Variants in DPYD observed in about 807,000 individuals in gnomAD.
DPYD encodes the protein dihydropyrimidine dehydrogenase.
In DPYD, 109 loss-of-function variants were observed where a neutral mutation model predicts 116.2. The ratio of observed to expected loss-of-function variants is 0.94; its 90% confidence interval spans 0.80 to 1.10. DPYD has a LOEUF of 1.10. Among genes scored for constraint, DPYD ranks in the 50% least tolerant of loss-of-function variants. The pLI is 0.00. For synonymous variants in DPYD, 440 were observed against 432.0 expected (o/e 1.02, Z -0.23); for missense variants, 1,302 against 1,254.5 (o/e 1.04, Z -0.57).
At chr1:97,198,973 A>G (rs1659012241) in intron 19 of DPYD, among the ~76,000 whole-genome samples, 1 of 152,138 alleles carries the variant, frequency 6.6e-6, no homozygotes, top group African/African-American at 2.4e-5. Flanking sequence ...GGGGTCTGAC[A>G]CAGTGCCCTG....
intron 18 of DPYD, among the ~76,000 whole-genome samples, chr1:97,236,002 T>A (rs1048097971): frequency 6.6e-5 from 10 of 152,222 alleles, no homozygotes; most frequent in Non-Finnish European, 1.2e-4. Flanking sequence ...ATTGTATGGA[T>A]AGAAAGAATA....
chr1:97,520,103 T>G (rs114133006), intron 12 of DPYD, among the ~76,000 whole-genome samples: 1 of 152,188 alleles, frequency 6.6e-6, no homozygotes, highest in Non-Finnish European at 1.5e-5. Flanking sequence ...ATATACCTGT[T>G]AGACTCAGTT....
chr1:97,913,758 A>G (rs1027963625), intron 1 of DPYD, among the ~76,000 whole-genome samples: 1 of 151,974 alleles, frequency 6.6e-6, no homozygotes, highest in African/African-American at 2.4e-5. Context: ...GTTGGAGGAT[A>G]AAGTTTTGGG....
At chr1:97,700,680 C>T (rs1661548263) in intron 5 of DPYD, among the ~76,000 whole-genome samples, 1 of 151,546 alleles carries the variant, frequency 6.6e-6, no homozygotes. Flanking sequence ...AAGTCCAAGC[C>T]TGCAAGAAAA....
At chr1:97,685,059 C>T (rs540268667) in intron 7 of DPYD, among the ~76,000 whole-genome samples, 20 of 152,248 alleles carry the variant, frequency 1.3e-4, no homozygotes. Flanking sequence ...AAACTTCAGG[C>T]CAATATCCCT....
At chr1:97,258,111 G>A (rs1663629109) in intron 18 of DPYD, among the ~76,000 whole-genome samples, 1 of 152,030 alleles carries the variant, frequency 6.6e-6, no homozygotes, top group Admixed American at 6.6e-5. Flanking sequence ...GAGTAAAGAT[G>A]GATTAGGAGG....
intron 8 of DPYD, among the ~76,000 whole-genome samples, chr1:97,626,638 C>A (rs779020252): frequency 4.0e-5 from 6 of 151,730 alleles, no homozygotes; most frequent in Non-Finnish European, 7.4e-5. Flanking sequence ...AAATCAATAT[C>A]AGTTATTATT....
chr1:97,792,279 A>T (rs1023514352), intron 3 of DPYD, among the ~76,000 whole-genome samples: 197 of 146,764 alleles, frequency 1.3e-3, no homozygotes, highest in Middle Eastern at 7.0e-3. Flanking sequence ...TTTTTATTTT[A>T]TTTTTTTTTT....
At chr1:97,564,677 C>T (rs564361457) in intron 11 of DPYD, among the ~76,000 whole-genome samples, 4 of 152,214 alleles carry the variant, frequency 2.6e-5, no homozygotes, top group African/African-American at 9.6e-5. Flanking sequence ...TGTTTACCTC[C>T]CAGCTAGCTA....
intron 20 of DPYD, among the ~76,000 whole-genome samples, chr1:97,191,158 T>C (rs150374644): frequency 5.3e-4 from 81 of 151,894 alleles, no homozygotes; most frequent in African/African-American, 2.0e-3. Context: ...GATGCACATG[T>C]ACCCTAGAAC....
At chr1:97,363,095 C>G (rs764409754) in intron 16 of DPYD, among the ~76,000 whole-genome samples, 11 of 152,136 alleles carry the variant, frequency 7.2e-5, no homozygotes, top group Non-Finnish European at 1.5e-4. Flanking sequence ...AGAACTTAAA[C>G]AAATTTACAA....
chr1:97,322,818 G>A (rs1668377443), intron 16 of DPYD: 1 of 151,948 alleles, frequency 6.6e-6, no homozygotes, highest in African/African-American at 2.4e-5. Context: ...GAAGGGCTAG[G>A]CCTCTGGGGA....
At chr1:97,534,619 T>G (rs181292484) in intron 12 of DPYD, among the ~76,000 whole-genome samples, 2 of 152,218 alleles carry the variant, frequency 1.3e-5, no homozygotes, top group Admixed American at 6.5e-5. Context: ...ATTTAACAAT[T>G]TTTACAACAT....
At chr1:97,509,453 A>G (rs1647616452) in intron 13 of DPYD, among the ~76,000 whole-genome samples, 1 of 152,002 alleles carries the variant, frequency 6.6e-6, no homozygotes, top group South Asian at 2.1e-4. Flanking sequence ...GTGACAGAAC[A>G]ATTGGCAAGA....
intron 18 of DPYD, among the ~76,000 whole-genome samples, chr1:97,263,900 T>C (rs1215003908): frequency 6.6e-6 from 1 of 152,122 alleles, no homozygotes; most frequent in Non-Finnish European, 1.5e-5. Context: ...ATACTTCAGA[T>C]AATTGAAAAA....
At chr1:97,292,705 C>T (rs184970818) in intron 18 of DPYD, among the ~76,000 whole-genome samples, 133 of 111,012 alleles carry the variant, frequency 1.2e-3, no homozygotes, top group East Asian at 7.6e-3. Context: ...TGCGTGCACG[C>T]GCGCGCACAC....
intron 1 of DPYD, among the ~76,000 whole-genome samples, chr1:97,913,159 A>T (rs1449287062): frequency 6.6e-6 from 1 of 152,126 alleles, no homozygotes; most frequent in Admixed American, 6.6e-5. Context: ...CTTTTCTTGT[A>T]TTCTCAGGCG....
chr1:97,792,284 T>A lies in DPYD; in HGVS notation c.233+35830A>T, dbSNP rs184292862. 7.1e-3 allele frequency among the ~76,000 whole-genome samples: 1,080 copies of A among 152,162 alleles called. 5 individuals carry two copies. The highest frequency in any genetic ancestry group is 9.3e-3 in the Non-Finnish European group (630 of 68,002). ...AGCTTTTATTTTTTTATTTTATTTT[T>A]TTTTTTTGAGACAGAGTCTTGCTCT... On this transcript the variant is annotated intron_variant, in intron 3 of 22. Coordinates refer to ENST00000370192, the MANE Select transcript of DPYD (RefSeq NM_000110.4).
intron 20 of DPYD, among the ~76,000 whole-genome samples, chr1:97,161,154 C>T (rs140843380): frequency 5.9e-5 from 9 of 152,262 alleles, no homozygotes; most frequent in Admixed American, 6.6e-5. Context: ...GCGATTAAAT[C>T]GGCCAAACAA....
Sources: allele counts gnomAD v4.1 joint callset (sites outside exome capture counted in the v4.1 genomes callset), GRCh38; gene constraint gnomAD v4.1.1; transcripts MANE v1.5; gene names NCBI Gene and HGNC (gene_info 2026-07-23, HGNC 2026-07-21).